The following SUPT3H variants were observed in gnomAD, a reference collection of about 807,000 sequenced individuals.
SUPT3H encodes SPT3 homolog, SAGA and STAGA complex component.
Under a neutral mutation model 44.3 loss-of-function variants are expected in SUPT3H, and 44 were observed. That is an observed-to-expected ratio of 0.99 (90% CI 0.78 to 1.28). The LOEUF (loss-of-function observed/expected upper bound fraction) is 1.28. Among genes scored for constraint, SUPT3H ranks in the 50% most tolerant of loss-of-function variants. SUPT3H has a pLI of 0.00. For missense variants in SUPT3H, 380 were observed against 387.1 expected (o/e 0.98, Z 0.15); for synonymous variants, 124 against 125.6 (o/e 0.99, Z 0.09).
At chr6:44,867,292 C>T (rs537430916) in intron 10 of SUPT3H, among the ~76,000 whole-genome samples, 66 of 152,126 alleles carry the variant, frequency 4.3e-4, no homozygotes, top group African/African-American at 1.3e-3. Context: ...GCTGGGATTA[C>T]AGGCAGGCAT....
chr6:44,848,091 G>A (rs1772217284), intron 10 of SUPT3H, among the ~76,000 whole-genome samples: 1 of 149,228 alleles, frequency 6.7e-6, no homozygotes, highest in Admixed American at 6.7e-5. Flanking sequence ...TCAGCCTCCT[G>A]AGTAGCTGGA....
rs1308786833 is a variant in SUPT3H, at chr6:44,830,982, A to ATAAT, written c.913-1129_913-1126dup. ...CTTAAAAAATAATTAAACCACATTT[A>ATAAT]TAATTAATTATACTAAAAATGGAAA... On this transcript the variant is annotated intron_variant, in intron 10 of 10. Coordinates refer to ENST00000371459, the MANE Select transcript of SUPT3H (RefSeq NM_003599.4). 4.6e-5 allele frequency among the ~76,000 whole-genome samples: 7 copies of ATAAT among 152,128 alleles called. No homozygotes were observed. In the South Asian group the frequency reaches 8.3e-4, roughly 18 times the overall value.
intron 2 of SUPT3H, among the ~76,000 whole-genome samples, chr6:45,186,693 C>T (rs936099318): frequency 6.6e-6 from 1 of 152,160 alleles, no homozygotes; most frequent in East Asian, 1.9e-4. Context: ...AGCAGGTACA[C>T]CACTCTTACC....
chr6:45,107,584 T>G (rs1202884894), intron 2 of SUPT3H, among the ~76,000 whole-genome samples: 1 of 152,192 alleles, frequency 6.6e-6, no homozygotes. Flanking sequence ...GCTACCCATA[T>G]AGCCTTAAAA....
chr6:44,836,725 A>G (rs1406358337), intron 10 of SUPT3H, among the ~76,000 whole-genome samples: 1 of 152,196 alleles, frequency 6.6e-6, no homozygotes, highest in East Asian at 1.9e-4. Flanking sequence ...AGATATATTA[A>G]GACTTTTTTG....
intron 3 of SUPT3H, among the ~76,000 whole-genome samples, chr6:45,101,633 A>G (rs1798589848): frequency 1.3e-5 from 2 of 152,214 alleles, no homozygotes; most frequent in East Asian, 1.9e-4. Flanking sequence ...CCAAATAGCT[A>G]GGAGTGGATT....
chr6:45,191,833 A>C (rs1386544475), intron 2 of SUPT3H, among the ~76,000 whole-genome samples: 1 of 152,156 alleles, frequency 6.6e-6, no homozygotes, highest in East Asian at 1.9e-4. Flanking sequence ...AAAAGCAGAG[A>C]AGATATTATT....
chr6:45,028,330 GT>G (rs1786350869), intron 3 of SUPT3H, among the ~76,000 whole-genome samples: 1 of 152,066 alleles, frequency 6.6e-6, no homozygotes, highest in African/African-American at 2.4e-5. Flanking sequence ...CAATCTTCCT[GT>G]TTTTAGTCTA....
intron 3 of SUPT3H, among the ~76,000 whole-genome samples, chr6:45,056,436 C>T (rs1195495661): frequency 6.6e-6 from 1 of 152,164 alleles, no homozygotes; most frequent in Non-Finnish European, 1.5e-5. Context: ...AGTGCCAATG[C>T]TCATCAATCA....
chr6:45,285,102 A>C (rs954609333), intron 2 of SUPT3H, among the ~76,000 whole-genome samples: 3 of 151,868 alleles, frequency 2.0e-5, no homozygotes, highest in African/African-American at 7.3e-5. Flanking sequence ...TCAAAATAAT[A>C]AGAGCTATCT....
At chr6:45,268,800 C>A (rs947114008) in intron 2 of SUPT3H, among the ~76,000 whole-genome samples, 2 of 151,994 alleles carry the variant, frequency 1.3e-5, no homozygotes, top group African/African-American at 4.8e-5. Flanking sequence ...TTCAGATAAC[C>A]TGACAAATTG....
At chr6:44,934,923 T>C (rs1771173131) in intron 9 of SUPT3H, among the ~76,000 whole-genome samples, 1 of 152,226 alleles carries the variant, frequency 6.6e-6, no homozygotes, top group African/African-American at 2.4e-5. Flanking sequence ...TGGAGACACA[T>C]AAGCCAGCCT....
chr6:44,882,332 TAAG>T (rs1186068801), intron 10 of SUPT3H, among the ~76,000 whole-genome samples: 4 of 152,028 alleles, frequency 2.6e-5, no homozygotes, highest in Admixed American at 1.3e-4. Context: ...AAGACTAAAC[TAAG>T]AAGAAGTACA....
intron 2 of SUPT3H, among the ~76,000 whole-genome samples, chr6:45,137,419 A>C (rs1426338133): frequency 6.6e-6 from 1 of 152,034 alleles, no homozygotes; most frequent in Non-Finnish European, 1.5e-5. Flanking sequence ...TTTTAAAGAC[A>C]TATTATAAAA....
At chr6:45,283,357 C>T (rs571393898) in intron 2 of SUPT3H, among the ~76,000 whole-genome samples, 32 of 152,100 alleles carry the variant, frequency 2.1e-4, no homozygotes, top group Non-Finnish European at 4.0e-4. Flanking sequence ...CGTGCAGAGA[C>T]ATACATAGGA....
Position 44,849,226 on chromosome 6 carries a change from T to TAA in SUPT3H, c.913-19370_913-19369insTT, listed in dbSNP as rs1284684588. ...TAAGCACTACAAATGAATACTTTTTTTTTTTTTTTTTTTTTTTTGAGACGG... is the reference window on the plus strand; with the variant it reads ...TAAGCACTACAAATGAATACTTTTTTAATTTTTTTTTTTTTTTTTTGAGACGG... On this transcript the variant is annotated intron_variant, in intron 10 of 10. Transcript: ENST00000371459. 1.7e-3 allele frequency among the ~76,000 whole-genome samples: 217 copies of TAA among 129,620 alleles called. 1 individual carries two copies. Among genetic ancestry groups the TAA allele is most frequent in the African/African-American group, 5.7e-3 (197 of 34,544 alleles). 85.0% of individuals were successfully genotyped at this position (129,620 alleles called of 152,430 possible).
At chr6:45,331,625 T>C (rs1438166249) in intron 2 of SUPT3H, among the ~76,000 whole-genome samples, 3 of 151,980 alleles carry the variant, frequency 2.0e-5, no homozygotes, top group African/African-American at 7.2e-5. Flanking sequence ...ATCCTAATTT[T>C]ACATTACAAA....
At chr6:45,248,646 G>A (rs975618036) in intron 2 of SUPT3H, among the ~76,000 whole-genome samples, 5 of 152,158 alleles carry the variant, frequency 3.3e-5, no homozygotes, top group African/African-American at 1.2e-4. Context: ...TTGGTCAGGC[G>A]TGGCTCTTGC....
intron 6 of SUPT3H, among the ~76,000 whole-genome samples, chr6:45,000,435 T>C: frequency 6.6e-6 from 1 of 152,026 alleles, no homozygotes; most frequent in South Asian, 2.1e-4. Flanking sequence ...CATCCACCTA[T>C]TTCTTCTTCA....
Sources: gnomAD v4.1 joint callset for allele counts (sites outside exome capture counted in the v4.1 genomes callset) on GRCh38, gnomAD v4.1.1 for gene constraint, MANE v1.5 for transcripts, NCBI Gene and HGNC (gene_info 2026-07-23, HGNC 2026-07-21) for gene names.